CADM2: variants seen among roughly 807,000 people sequenced by gnomAD.
The protein encoded by CADM2 is cell adhesion molecule 2, also known as immunoglobulin superfamily member 4D.
CADM2 carries 12 observed loss-of-function variants against 49.8 expected under a neutral mutation model. The observed-to-expected ratio is 0.24, with a 90% CI of 0.15 to 0.39. The LOEUF (loss-of-function observed/expected upper bound fraction) is 0.39, where lower values mean the gene tolerates loss of function less well. Among genes scored for constraint, CADM2 ranks in the 10% least tolerant of loss-of-function variants. The probability of loss-of-function intolerance (pLI) is 1.00; values close to 1 mark genes in which losing one functional copy is unlikely to be tolerated. For synonymous variants in CADM2, 214 were observed against 175.4 expected (o/e 1.22, Z -1.74); for missense variants, 378 against 492.3 (o/e 0.77, Z 2.20).
At chr3:85,113,569 C>A (rs2038534209) in intron 1 of CADM2, among the ~76,000 whole-genome samples, 1 of 151,728 alleles carries the variant, frequency 6.6e-6, no homozygotes, top group South Asian at 2.1e-4. Flanking sequence ...CAAAATAATA[C>A]AATTTAATCC....
At chr3:85,129,122 C>A (rs1172444559) in intron 1 of CADM2, among the ~76,000 whole-genome samples, 1 of 152,038 alleles carries the variant, frequency 6.6e-6, no homozygotes, top group Admixed American at 6.6e-5. Context: ...CGGTCCATAG[C>A]CAGTTCACCA....
At chr3:86,009,412 A>G (rs1731217163) in intron 8 of CADM2, among the ~76,000 whole-genome samples, 1 of 151,358 alleles carries the variant, frequency 6.6e-6, no homozygotes. Context: ...TGGAAAATTT[A>G]TTTCATTGTT....
intron 1 of CADM2, among the ~76,000 whole-genome samples, chr3:85,568,397 C>CTCTTTCTT (rs71108298): frequency 0.047 from 2,422 of 51,966 alleles, 375 homozygotes; most frequent in Middle Eastern, 0.066. Flanking sequence ...TCCTTCCTCC[C>CTCTTTCTT]TCTTTCTTTC....
chr3:85,199,779 A>T (rs2041447014), intron 1 of CADM2, among the ~76,000 whole-genome samples: 1 of 152,038 alleles, frequency 6.6e-6, no homozygotes, highest in African/African-American at 2.4e-5. Context: ...ACCTGTAGTC[A>T]AATAATTATA....
At chr3:86,014,585 G>A (rs1267674403) in intron 8 of CADM2, 1 of 1,599,810 alleles carries the variant, frequency 6.3e-7, no homozygotes, top group East Asian at 2.2e-5. Context: ...TCCCAACAGT[G>A]GAGCACATTA....
chr3:85,490,666 C>G (rs11127896), intron 1 of CADM2, among the ~76,000 whole-genome samples: 1 of 151,420 alleles, frequency 6.6e-6, no homozygotes, highest in African/African-American at 2.4e-5. Flanking sequence ...GTCTTCTTAA[C>G]AAAAGTTGGC....
At chr3:86,038,478 T>G (rs953701607) in intron 8 of CADM2, among the ~76,000 whole-genome samples, 27 of 152,310 alleles carry the variant, frequency 1.8e-4, no homozygotes, top group Middle Eastern at 6.8e-3. Flanking sequence ...TAAACTCCAA[T>G]TAATCCTCTT....
At chr3:85,339,345 A>ATATAACTC (rs1354221752) in intron 1 of CADM2, among the ~76,000 whole-genome samples, 4 of 151,506 alleles carry the variant, frequency 2.6e-5, no homozygotes, top group Non-Finnish European at 4.4e-5. Flanking sequence ...TACTGAAAGA[A>ATATAACTC]TATAACTCTG....
At position 85,052,123 on chromosome 3, in the gene CADM2, A is replaced by G. The variant is rs142610270; in HGVS notation, c.61+92455A>G. Among the ~76,000 whole-genome samples the G allele has an allele frequency of 1.1e-4, 16 of 152,284 alleles. No homozygotes were observed. The East Asian group carries it at 2.7e-3, about 26-fold the overall frequency. ...ATGACAATACTTTCCCTCATTCCAA[A>G]TCATATGTCTCTTAAAATAGTCTTT... On this transcript the variant is annotated intron_variant, in intron 1 of 9. Transcript: ENST00000383699.
intron 3 of CADM2, among the ~76,000 whole-genome samples, chr3:85,873,702 G>T (rs1480706981): frequency 2.6e-5 from 4 of 151,636 alleles, no homozygotes; most frequent in Non-Finnish European, 4.4e-5. Flanking sequence ...TTAAAAAGTA[G>T]GATGTCATTC....
At chr3:85,014,240 T>G (rs184015090) in intron 1 of CADM2, among the ~76,000 whole-genome samples, 1 of 149,086 alleles carries the variant, frequency 6.7e-6, no homozygotes, top group East Asian at 1.9e-4. Flanking sequence ...AGTGTAATAA[T>G]ATTGTATATT....
At position 85,147,275 on chromosome 3, in the gene CADM2, C is replaced by CAAAAAAAAAAAAAAAA. The variant is rs759888985; in HGVS notation, c.61+187622_61+187637dup. On this transcript the variant is annotated intron_variant, in intron 1 of 9. Coordinates refer to ENST00000383699, the MANE Select transcript of CADM2 (RefSeq NM_001167675.2). Reference sequence around the variant, plus strand: ...TGGGCGACAGAGCCAGACTCTGTCTCAAAAAAAAAAAAAAAAAAAAAAAAA... The same window carrying CAAAAAAAAAAAAAAAA: ...TGGGCGACAGAGCCAGACTCTGTCTCAAAAAAAAAAAAAAAAAAAAAAAAAAAAAAAAAAAAAAAAA... Among the ~76,000 whole-genome samples the CAAAAAAAAAAAAAAAA allele has an allele frequency of 1.3e-4, 6 of 45,964 alleles. 1 individual carries two copies. The highest frequency in any genetic ancestry group is 3.0e-4 in the African/African-American group (6 of 19,956). 30.2% of individuals were successfully genotyped at this position (45,964 alleles called of 152,430 possible). A position where few individuals can be genotyped will look rare whatever the true frequency, so the allele number is the denominator to read the frequency against.
intron 1 of CADM2, among the ~76,000 whole-genome samples, chr3:85,069,347 A>C (rs2107467950): frequency 6.6e-6 from 1 of 152,298 alleles, no homozygotes; most frequent in East Asian, 1.9e-4. Flanking sequence ...ATTTGTCAAA[A>C]ATAATATTTT....
chr3:85,798,259 G>A lies in CADM2; in HGVS notation c.89-3788G>A, dbSNP rs142989179. On this transcript the variant is annotated intron_variant, in intron 2 of 9. Transcript: ENST00000383699. ...TGATAGTTTCTTTCGCTGTGTAGAA[G>A]TTCTTTAGTTTAAGTAGATCTCATT... Among the ~76,000 whole-genome samples the A allele has an allele frequency of 2.2e-3, 339 of 152,262 alleles. 1 individual carries two copies. The highest frequency in any genetic ancestry group is 7.6e-3 in the African/African-American group (317 of 41,552).
Position 85,583,866 on chromosome 3 carries a change from A to T in CADM2, c.62-142656A>T, listed in dbSNP as rs533283081. ...CAGAATGCTTATCAGAATCAAGATT[A>T]TGAAATATTGCAATTTTGAAATATA... On this transcript the variant is annotated intron_variant, in intron 1 of 9. Transcript: ENST00000383699. Among the ~76,000 whole-genome samples the T allele has an allele frequency of 5.0e-4, 76 of 152,170 alleles. 3 individuals carry two copies. In the South Asian group the frequency reaches 0.015, roughly 29 times the overall value.
intron 1 of CADM2, among the ~76,000 whole-genome samples, chr3:84,978,657 C>T (rs1313388146): frequency 6.6e-6 from 1 of 152,088 alleles, no homozygotes; most frequent in Non-Finnish European, 1.5e-5. Flanking sequence ...GAAGACTTTT[C>T]TGAGTCTAAA....
chr3:85,499,068 T>C (rs1187218817), intron 1 of CADM2, among the ~76,000 whole-genome samples: 6 of 152,070 alleles, frequency 3.9e-5, no homozygotes, highest in African/African-American at 7.2e-5. Flanking sequence ...CTTTGATATA[T>C]GTATATTGAA....
chr3:85,699,703 T>A (rs1191955260), intron 1 of CADM2, among the ~76,000 whole-genome samples: 6 of 152,180 alleles, frequency 3.9e-5, no homozygotes, highest in African/African-American at 1.4e-4. Flanking sequence ...TGAAACCATT[T>A]TTCCCCCCTA....
chr3:85,471,986 A>G, intron 1 of CADM2, among the ~76,000 whole-genome samples: 1 of 151,968 alleles, frequency 6.6e-6, no homozygotes, highest in Middle Eastern at 3.4e-3. Context: ...TCTCTACGTA[A>G]GTGTAGTGAG....
Sources: allele counts gnomAD v4.1 joint callset (sites outside exome capture counted in the v4.1 genomes callset), GRCh38; gene constraint gnomAD v4.1.1; transcripts MANE v1.5; gene names NCBI Gene and HGNC (gene_info 2026-07-23, HGNC 2026-07-21).